The following TENM4 variants were observed in gnomAD, a reference collection of about 807,000 sequenced individuals.
TENM4 encodes teneurin-4.
In TENM4, 82 loss-of-function variants were observed where a neutral mutation model predicts 243.3. That is an observed-to-expected ratio of 0.34 (90% CI 0.28 to 0.40). TENM4 has a LOEUF of 0.40. Among genes scored for constraint, TENM4 ranks in the 10% least tolerant of loss-of-function variants. The probability of loss-of-function intolerance (pLI) is 1.00; values close to 1 mark genes in which losing one functional copy is unlikely to be tolerated. For synonymous variants in TENM4, 1,412 were observed against 1,456.3 expected (o/e 0.97, Z 0.69); for missense variants, 3,138 against 3,673.3 (o/e 0.85, Z 3.77).
chr11:78,923,352 C>A (rs990872084), intron 6 of TENM4, among the ~76,000 whole-genome samples: 2 of 152,014 alleles, frequency 1.3e-5, no homozygotes, highest in African/African-American at 4.8e-5. Flanking sequence ...TCTGCCTTTT[C>A]CCTTGAGTAA....
chr11:78,672,453 G>A (rs1044038927), intron 30 of TENM4, 124 bp from the exon 31 acceptor site: 56 of 992,222 alleles, frequency 5.6e-5, no homozygotes, highest in Middle Eastern at 2.9e-4. Context: ...ACAGTCCTGC[G>A]CAGCAACAGA....
At chr11:78,874,963 G>T (rs371715669) in intron 9 of TENM4, among the ~76,000 whole-genome samples, 1 of 152,192 alleles carries the variant, frequency 6.6e-6, no homozygotes, top group East Asian at 1.9e-4. Flanking sequence ...GACATGTTAC[G>T]CCAGTGACAA....
At position 78,842,946 on chromosome 11, in the gene TENM4, G is replaced by A. The variant is rs553521840; in HGVS notation, c.1681+11158C>T. ...CCCAGCGCTTTGGGAGGCTGAGGTG[G>A]GAGGGTCACTTGAGGCCAGGAGTTC... On this transcript the variant is annotated intron_variant, in intron 12 of 33. Coordinates refer to ENST00000278550, the MANE Select transcript of TENM4 (RefSeq NM_001098816.3). 1.4e-3 allele frequency among the ~76,000 whole-genome samples: 220 copies of A among 151,980 alleles called. 1 individual carries two copies. Among genetic ancestry groups the A allele is most frequent in the African/African-American group, 5.2e-3 (216 of 41,406 alleles).
intron 6 of TENM4, among the ~76,000 whole-genome samples, chr11:78,947,833 C>T (rs1390764307): frequency 6.6e-6 from 1 of 152,194 alleles, no homozygotes; most frequent in African/African-American, 2.4e-5. Flanking sequence ...TGCTGAAGTT[C>T]CCTCCATGCC....
chr11:79,083,686 T>C (rs1396321775), intron 4 of TENM4, among the ~76,000 whole-genome samples: 1 of 152,202 alleles, frequency 6.6e-6, no homozygotes, highest in Non-Finnish European at 1.5e-5. Context: ...CCTAACTCCA[T>C]ATGCCTTAGA....
At chr11:78,705,687 A>G (rs1859230128) in intron 27 of TENM4, among the ~76,000 whole-genome samples, 1 of 152,182 alleles carries the variant, frequency 6.6e-6, no homozygotes, top group South Asian at 2.1e-4. Context: ...TCTTGCAAAA[A>G]TGGATTGTCA....
intron 6 of TENM4, among the ~76,000 whole-genome samples, chr11:78,965,889 A>G (rs1300665830): frequency 6.6e-6 from 1 of 152,248 alleles, no homozygotes; most frequent in African/African-American, 2.4e-5. Flanking sequence ...AGTGGTTTCC[A>G]AGGTAGGGTA....
At position 79,117,598 on chromosome 11, in the gene TENM4, T is replaced by C. The variant is rs151281317; in HGVS notation, c.-66+31112A>G. On this transcript the variant is annotated intron_variant, in intron 4 of 33. Coordinates refer to ENST00000278550, the MANE Select transcript of TENM4 (RefSeq NM_001098816.3). ...GGAATACTCTTCAACAAACTTCTCA[T>C]TGCCTCAAATGATGTTCAAGCCAGT... 2.1e-3 allele frequency among the ~76,000 whole-genome samples: 320 copies of C among 152,292 alleles called. 1 individual carries two copies. The highest frequency in any genetic ancestry group is 7.4e-3 in the African/African-American group (306 of 41,558).
At chr11:79,066,608 GCA>G (rs1040648337) in intron 5 of TENM4, among the ~76,000 whole-genome samples, 13 of 151,186 alleles carry the variant, frequency 8.6e-5, no homozygotes, top group East Asian at 5.8e-4. Flanking sequence ...ACACGCGCGT[GCA>G]CACACACGTG....
intron 9 of TENM4, among the ~76,000 whole-genome samples, chr11:78,883,968 C>G (rs555677463): frequency 1.3e-5 from 2 of 152,352 alleles, no homozygotes; most frequent in African/African-American, 4.8e-5. Context: ...GGTCCAAGTT[C>G]TCACTCAGGA....
chr11:79,130,875 T>G (rs866716140), intron 4 of TENM4, among the ~76,000 whole-genome samples: 1 of 151,894 alleles, frequency 6.6e-6, no homozygotes, highest in South Asian at 2.1e-4. Context: ...CTTATCAAAA[T>G]GCAAAATGCT....
chr11:78,991,867 C>T (rs931721158), intron 6 of TENM4, among the ~76,000 whole-genome samples: 31 of 152,164 alleles, frequency 2.0e-4, no homozygotes, highest in African/African-American at 7.2e-4. Context: ...GCTTCCTCAC[C>T]CTGTGCTGCT....
At chr11:79,428,191 A>G (rs1319380657) in intron 1 of TENM4, among the ~76,000 whole-genome samples, 1 of 152,236 alleles carries the variant, frequency 6.6e-6, no homozygotes, top group African/African-American at 2.4e-5. Flanking sequence ...TTGCATTTCA[A>G]TAAGTTCTCA....
intron 1 of TENM4, among the ~76,000 whole-genome samples, chr11:79,392,539 G>T (rs1013007625): frequency 1.3e-5 from 2 of 152,210 alleles, no homozygotes; most frequent in Non-Finnish European, 2.9e-5. Flanking sequence ...CAAGGATTTG[G>T]GGTAAGGAAA....
At position 78,702,094 on chromosome 11, in the gene TENM4, C is replaced by T. The variant is rs1349871776; in HGVS notation, c.4519G>A (p.Ala1507Thr). 2 of 1,613,816 alleles carry T rather than the reference C, an allele frequency of 1.2e-6. No homozygotes were observed. Among genetic ancestry groups the T allele is most frequent in the Admixed American group, 3.3e-5 (2 of 60,006 alleles). The change falls in exon 28 of 34, where the codon GCT becomes ACT. Residue 1507 changes from alanine to threonine, a missense_variant. Coordinates refer to ENST00000278550, the MANE Select transcript of TENM4 (RefSeq NM_001098816.3). ...VTTSGEISLV[A>T]GAPSGCDCKN... is the part of the protein sequence containing the mutation. ...CAGTCACAGCCACTGGGGGCCCCAG[C>T]AACGAGTGAGATCTCTCCACTAGTG...
At chr11:78,958,959 A>G (rs1397988259) in intron 6 of TENM4, among the ~76,000 whole-genome samples, 1 of 152,232 alleles carries the variant, frequency 6.6e-6, no homozygotes, top group South Asian at 2.1e-4. Context: ...AACTTTTTTA[A>G]ATACCACAAC....
At chr11:78,762,425 C>A (rs1856451144) in intron 18 of TENM4, among the ~76,000 whole-genome samples, 1 of 152,168 alleles carries the variant, frequency 6.6e-6, no homozygotes, top group African/African-American at 2.4e-5. Context: ...TAGCAATGCA[C>A]TGTAAATTAG....
chr11:78,759,644 G>A (rs546429388), intron 18 of TENM4, among the ~76,000 whole-genome samples: 9 of 152,220 alleles, frequency 5.9e-5, no homozygotes, highest in Non-Finnish European at 1.0e-4. Context: ...AGGAATGATA[G>A]CTGTTCTTAT....
At chr11:78,754,824 G>C (rs1481939336) in intron 19 of TENM4, among the ~76,000 whole-genome samples, 1 of 152,178 alleles carries the variant, frequency 6.6e-6, no homozygotes, top group Non-Finnish European at 1.5e-5. Context: ...CAGTACTCCG[G>C]GGGTAAGTTG....
Sources: allele counts gnomAD v4.1 joint callset (sites outside exome capture counted in the v4.1 genomes callset), GRCh38; gene constraint gnomAD v4.1.1; transcripts MANE v1.5; gene names NCBI Gene and HGNC (gene_info 2026-07-23, HGNC 2026-07-21).